RENBP: variants seen among roughly 807,000 people sequenced by gnomAD.
RENBP encodes the protein renin binding protein.
Under a neutral mutation model 37.8 loss-of-function variants are expected in RENBP, and 16 were observed. The ratio of observed to expected loss-of-function variants is 0.42; its 90% confidence interval spans 0.29 to 0.64. The LOEUF (loss-of-function observed/expected upper bound fraction) is 0.64, where lower values mean the gene tolerates loss of function less well. Ranked by LOEUF, RENBP falls within the 30% of genes least tolerant of loss-of-function variation. The pLI is 0.19. For synonymous variants in RENBP, 170 were observed against 154.8 expected, an observed-to-expected ratio of 1.10 and a Z score of -0.73; for missense variants, 347 against 379.5, an observed-to-expected ratio of 0.91 and a Z score of 0.71.
In RENBP at chrX:153,942,966, G is replaced by A; in HGVS notation, c.576C>T (p.Pro192=). The A allele has an allele frequency of 1.7e-6, 2 of 1,210,727 alleles. No homozygotes were observed. Among genetic ancestry groups the A allele is most frequent in the Non-Finnish European group, 2.2e-6 (2 of 894,878 alleles). Residue 192 remains proline, a synonymous_variant, in exon 6 of 11, where the codon CCC becomes CCT. Transcript: ENST00000393700. The stretch of plus-strand genomic sequence containing the variant: ...GCTCCACCAGGTTCAGTAGCATCAT[G>A]GGCACCGCCATGGGCTCCGCAGCCG... ...GAPAAEPMAV[P]MMLLNLVEQL...
intron 9 of RENBP, among the ~76,000 whole-genome samples, chrX:153,937,686 G>A (rs185883280): frequency 9.3e-6 from 1 of 107,452 alleles, no homozygotes; most frequent in African/African-American, 3.4e-5. Context: ...AGTGCTTCCC[G>A]GGTTCAAGTG....
intron 8 of RENBP, among the ~76,000 whole-genome samples, chrX:153,940,604 G>A (rs2065221817): frequency 9.0e-6 from 1 of 111,383 alleles, no homozygotes; most frequent in African/African-American, 3.3e-5. Flanking sequence ...GTCGCAGGAT[G>A]AGATATGAGG....
chrX:153,937,620 ATTTT>A (rs1175941124), intron 9 of RENBP, among the ~76,000 whole-genome samples: 3 of 104,165 alleles, frequency 2.9e-5, no homozygotes, highest in African/African-American at 1.1e-4. Flanking sequence ...TTATTTATTT[ATTTT>A]TTTTATTTTT....
intron 9 of RENBP, among the ~76,000 whole-genome samples, chrX:153,939,028 A>C (rs2065215667): frequency 9.1e-6 from 1 of 109,519 alleles, no homozygotes; most frequent in Admixed American, 9.7e-5. Context: ...TCCTGACCTC[A>C]GGTGATCCAC....
rs1557108243 is a variant in RENBP, at chrX:153,935,310, G to A, written c.1260C>T (p.Thr420=). ...TTTATTCCGCGCCTCGGCAGGCGGG[G>A]GTGGGGGCGGGGGAGGGGGCGGGGG... ...RPAPAPSPAP[T]PACRGAE is the part of the protein sequence containing the mutation. The change falls in exon 11 of 11, where the codon ACC becomes ACT. Residue 420 remains threonine (T), a synonymous_variant. Coordinates refer to ENST00000393700, the MANE Select transcript of RENBP (RefSeq NM_002910.6). 3.3e-6 allele frequency: 3 copies of A among 918,093 alleles called. No individual in the cohort carries two copies. The Admixed American group carries it at 1.4e-4, about 42-fold the overall frequency. 75.7% of individuals were successfully genotyped at this position (918,093 alleles called of 1,213,427 possible).
intron 6 of RENBP, chrX:153,942,552 G>A: frequency 2.9e-6 from 1 of 348,776 alleles, no homozygotes; most frequent in Non-Finnish European, 5.0e-6. Flanking sequence ...CTAGGAAGAT[G>A]TAATCCTCAC....
Position 153,944,007 on chromosome X carries a change from G to A in RENBP, c.214-37C>T, listed in dbSNP as rs782004451. 5.8e-6 allele frequency: 7 copies of A among 1,204,053 alleles called. No homozygotes were observed. In the African/African-American group the frequency reaches 1.0e-4, roughly 18 times the overall value. On this transcript the variant is annotated intron_variant, in intron 3 of 10. Transcript: ENST00000393700. ...GGGAGGGAAAGTGGCTTAAGTGGCCGGCTGGGGTGAGGTGGGGAGACCTTT... is the reference window on the plus strand; with the variant it reads ...GGGAGGGAAAGTGGCTTAAGTGGCCAGCTGGGGTGAGGTGGGGAGACCTTT...
At position 153,944,143 on chromosome X, in the gene RENBP, C is replaced by T. The variant is rs1194228526; in HGVS notation, c.150G>A (p.Thr50=). ...ACACCCGCCCCTCGCGGCCAAGGCA[C>T]GTGAAGAAGCCCCTGTGGGAAGGCA... The part of the protein sequence containing the change: ...SHDQEHGGFF[T]CLGREGRVYD... The change falls in exon 3 of 11, where the codon ACG becomes ACA. Residue 50 remains threonine (T), a synonymous_variant. Transcript: ENST00000393700. The T allele has an allele frequency of 3.3e-6, 4 of 1,209,091 alleles. No homozygotes were observed. The highest frequency in any genetic ancestry group is 3.4e-6 in the Non-Finnish European group (3 of 894,640).
Position 153,941,947 on chromosome X carries a change from C to G in RENBP, c.769+3G>C. The stretch of plus-strand genomic sequence containing the variant: ...GTGGCCCCCAGCCCACCCCGCCCCT[C>G]ACCTGGGTTCTGCTGTCTCCCCAGG... On this transcript the variant is annotated splice_donor_region_variant and intron_variant, in intron 7 of 10. Coordinates refer to ENST00000393700, the MANE Select transcript of RENBP (RefSeq NM_002910.6). 4 of 1,101,433 alleles carry G rather than the reference C, an allele frequency of 3.6e-6. No homozygotes were observed. Among genetic ancestry groups the G allele is most frequent in the Non-Finnish European group, 5.0e-6 (4 of 796,320 alleles). 90.8% of individuals were successfully genotyped at this position (1,101,433 alleles called of 1,213,427 possible). A position where few individuals can be genotyped will look rare whatever the true frequency, so the allele number is the denominator to read the frequency against.
Position 153,935,300 on chromosome X carries a change from G to C in RENBP, c.1270C>G (p.Arg424Gly), listed in dbSNP as rs1343688414. Residue 424 changes from arginine (R) to glycine (G), a missense_variant, in exon 11 of 11, where the codon CGA becomes GGA. Physicochemically the swap from Arg to Gly is moderately radical, Grantham distance 125. This residue lies in a region of RENBP where 91 missense variants were observed against 67.7 expected (regional missense o/e 1.34). Transcript: ENST00000393700. ...APSPAPTPAC[R>G]GAE ...GGACTCAGCCTTTATTCCGCGCCTC[G>C]GCAGGCGGGGGTGGGGGCGGGGGAG... 1.3e-5 allele frequency: 12 copies of C among 895,437 alleles called. No homozygotes were observed. The highest frequency in any genetic ancestry group is 1.6e-5 in the Non-Finnish European group (11 of 683,882). The allele number at this position is 895,437 out of a possible 1,213,427, so 73.8% of individuals were successfully genotyped here. A position where few individuals can be genotyped will look rare whatever the true frequency, so the allele number is the denominator to read the frequency against.
chrX:153,941,395 T>C, intron 8 of RENBP, 83 bp downstream of exon 8: 1 of 1,023,114 alleles, frequency 9.8e-7, no homozygotes. Flanking sequence ...AGCCCCAGGT[T>C]ACCCTCTAGA....
intron 9 of RENBP, among the ~76,000 whole-genome samples, chrX:153,939,111 A>T (rs1557109089): frequency 9.3e-6 from 1 of 107,078 alleles, no homozygotes; most frequent in African/African-American, 3.4e-5. Context: ...TTTGAGACAT[A>T]GTCTCGCTCT....
chrX:153,941,925 G>GCGCCCCCC, intron 7 of RENBP, 25 bp downstream of exon 7: 1 of 708,490 alleles, frequency 1.4e-6, no homozygotes, highest in Non-Finnish European at 2.3e-6. Context: ...CTCCTGGGTG[G>GCGCCCCCC]CCCCCAGCCC....
rs782116990 is a variant in RENBP at position 153,944,010 on chromosome X, TG to T, written c.214-41del. 3.3e-6 allele frequency: 4 copies of T among 1,201,880 alleles called. No homozygotes were observed. In the Admixed American group the frequency reaches 8.7e-5, roughly 26 times the overall value. On this transcript the variant is annotated intron_variant, in intron 3 of 10. Coordinates refer to ENST00000393700, the MANE Select transcript of RENBP (RefSeq NM_002910.6). ...AGGGAAAGTGGCTTAAGTGGCCGGCTGGGGTGAGGTGGGGAGACCTTTGAGG... is the reference window on the plus strand; with the variant it reads ...AGGGAAAGTGGCTTAAGTGGCCGGCTGGGTGAGGTGGGGAGACCTTTGAGG...
intron 9 of RENBP, among the ~76,000 whole-genome samples, chrX:153,936,749 A>G (rs781984134): frequency 1.8e-5 from 2 of 110,140 alleles, no homozygotes; most frequent in South Asian, 7.7e-4. Flanking sequence ...TTCTCTCTCC[A>G]CTAGCATTCC....
chrX:153,942,568 G>A, intron 6 of RENBP: 1 of 385,862 alleles, frequency 2.6e-6, no homozygotes, highest in Non-Finnish European at 4.5e-6. Context: ...CTCACTTCTG[G>A]CCTGATCCTC....
At chrX:153,943,793 G>T (rs1034172293) in intron 4 of RENBP, 75 bp from the exon 5 acceptor site, 2 of 1,175,256 alleles carry the variant, frequency 1.7e-6, no homozygotes, top group Non-Finnish European at 2.3e-6. Context: ...GCCTCCCCAA[G>T]TCCTTCGCTG....
chrX:153,940,302 G>A (rs112576180), intron 8 of RENBP, 69 bp from the exon 9 acceptor site: 33 of 1,158,475 alleles, frequency 2.8e-5, no homozygotes, highest in African/African-American at 1.6e-4. Flanking sequence ...ACCTGGCTGC[G>A]TCTCCATTGG....
chrX:153,940,426 G>T (rs1246964741), intron 8 of RENBP, among the ~76,000 whole-genome samples, 193 bp from the exon 9 acceptor site: 1 of 111,707 alleles, frequency 9.0e-6, no homozygotes, highest in African/African-American at 3.3e-5. Flanking sequence ...GGCCCCAGAC[G>T]AATGGCATAT....
Sources: allele counts gnomAD v4.1 joint callset (sites outside exome capture counted in the v4.1 genomes callset), GRCh38; gene constraint gnomAD v4.1.1; regional missense constraint gnomAD v4.1.1; transcripts MANE v1.5; gene names NCBI Gene and HGNC (gene_info 2026-07-23, HGNC 2026-07-21).